TMEM132D: variants seen among roughly 807,000 people sequenced by gnomAD.
TMEM132D encodes the protein transmembrane protein 132D.
In TMEM132D, 21 loss-of-function variants were observed where a neutral mutation model predicts 62.3. The ratio of observed to expected loss-of-function variants is 0.34; its 90% CI spans 0.24 to 0.49. TMEM132D has a LOEUF of 0.49. Among genes scored for constraint, TMEM132D ranks in the 20% least tolerant of loss-of-function variants. The pLI is 0.99. For synonymous variants in TMEM132D, 621 were observed against 575.6 expected (o/e 1.08, Z -1.13); for missense variants, 1,346 against 1,402.8 (o/e 0.96, Z 0.65).
intron 5 of TMEM132D, among the ~76,000 whole-genome samples, chr12:129,167,260 C>T (rs1020423725): frequency 6.6e-6 from 1 of 152,098 alleles, no homozygotes; most frequent in Non-Finnish European, 1.5e-5. Context: ...ACGAGGAGGC[C>T]TCACCATCTC....
chr12:129,453,004 G>A lies in TMEM132D; in HGVS notation c.1115+78055C>T, dbSNP rs1034249775. Among the ~76,000 whole-genome samples the A allele has an allele frequency of 4.6e-5, 7 of 152,312 alleles. No homozygotes were observed. In the South Asian group the frequency reaches 8.3e-4, roughly 18 times the overall value. On this transcript the variant is annotated intron_variant, in intron 3 of 8. Transcript: ENST00000422113. ...CCACAGCAGGAGGTGAGTGGCAGGC[G>A]AGCGAGCCTTACTGCCTGAGCTCTG... is the stretch of plus-strand genomic sequence containing the variant.
intron 5 of TMEM132D, among the ~76,000 whole-genome samples, chr12:129,114,431 TCCTCCCTC>T (rs557229835): frequency 6.1e-5 from 9 of 147,552 alleles, no homozygotes; most frequent in African/African-American, 2.0e-4. Flanking sequence ...CTTCCCTCCT[TCCTCCCTC>T]CCTCCCTTTT....
intron 4 of TMEM132D, among the ~76,000 whole-genome samples, chr12:129,265,476 C>A (rs895721205): frequency 2.0e-5 from 3 of 152,152 alleles, no homozygotes; most frequent in South Asian, 2.1e-4. Flanking sequence ...ATCCACCACA[C>A]CCTCTGAAAG....
intron 5 of TMEM132D, among the ~76,000 whole-genome samples, chr12:129,156,909 T>C (rs1166413221): frequency 6.6e-6 from 1 of 151,980 alleles, no homozygotes; most frequent in Non-Finnish European, 1.5e-5. Context: ...CTGAGATCAT[T>C]AACACACTCC....
In TMEM132D at chr12:129,161,136, C is replaced by T. The variant is rs144204881; in HGVS notation, c.1443+48384G>A. Among the ~76,000 whole-genome samples, 657 of 152,216 alleles carry T rather than the reference C, an allele frequency of 4.3e-3. 3 individuals carry two copies. Among genetic ancestry groups the T allele is most frequent in the African/African-American group, 0.015 (624 of 41,522 alleles). ...TGGTGGGTATGTGCCTGCTTCCTTC[C>T]CCAAACCTGTATGGAAACACATCTG... On this transcript the variant is annotated intron_variant, in intron 5 of 8. Coordinates refer to ENST00000422113, the MANE Select transcript of TMEM132D (RefSeq NM_133448.3).
intron 1 of TMEM132D, among the ~76,000 whole-genome samples, chr12:129,798,465 A>T (rs546549276): frequency 2.0e-5 from 3 of 152,272 alleles, no homozygotes; most frequent in South Asian, 4.1e-4. Flanking sequence ...CATATTATAC[A>T]TTTCTTTAAT....
chr12:129,189,180 G>T lies in TMEM132D; in HGVS notation c.1443+20340C>A, dbSNP rs75523993. On this transcript the variant is annotated intron_variant, in intron 5 of 8. Coordinates refer to ENST00000422113, the MANE Select transcript of TMEM132D (RefSeq NM_133448.3). ...CTGAGAGGTGATTTTCCATGAAGCC[G>T]TTGGAGGGAAGCCCTAAAGATTTGC... 8.4e-3 allele frequency among the ~76,000 whole-genome samples: 1,274 copies of T among 152,264 alleles called. 25 individuals are homozygous for T. Among genetic ancestry groups the T allele is most frequent in the African/African-American group, 0.029 (1,186 of 41,524 alleles).
intron 1 of TMEM132D, among the ~76,000 whole-genome samples, chr12:129,864,440 T>C (rs531390289): frequency 2.6e-5 from 4 of 152,296 alleles, no homozygotes; most frequent in African/African-American, 9.6e-5. Flanking sequence ...TTTATAGCAA[T>C]TGATTAATAC....
chr12:129,076,405 AT>A (rs111911244), intron 8 of TMEM132D, among the ~76,000 whole-genome samples: 15,396 of 151,500 alleles, frequency 0.1, 855 homozygotes, highest in South Asian at 0.12. Context: ...GCTTGAGTGG[AT>A]TTTTTTTTCT....
At chr12:129,165,327 C>A (rs574850648) in intron 5 of TMEM132D, among the ~76,000 whole-genome samples, 1 of 152,246 alleles carries the variant, frequency 6.6e-6, no homozygotes, top group African/African-American at 2.4e-5. Context: ...CATCACTGGG[C>A]ACTCTTAAGA....
intron 3 of TMEM132D, among the ~76,000 whole-genome samples, chr12:129,404,289 C>G: frequency 6.6e-6 from 1 of 151,946 alleles, no homozygotes; most frequent in African/African-American, 2.4e-5. Flanking sequence ...ACCTCCACCT[C>G]CCGGGTTCAA....
intron 1 of TMEM132D, among the ~76,000 whole-genome samples, chr12:129,743,613 C>T (rs1210472366): frequency 6.8e-6 from 1 of 147,026 alleles, no homozygotes; most frequent in Non-Finnish European, 1.5e-5. Context: ...TAATGCATCC[C>T]CCTACAACCA....
At chr12:129,414,664 C>T (rs1447451792) in intron 3 of TMEM132D, among the ~76,000 whole-genome samples, 2 of 152,214 alleles carry the variant, frequency 1.3e-5, no homozygotes, top group Non-Finnish European at 2.9e-5. Flanking sequence ...GGTAAGAACA[C>T]TTGAGATGTC....
intron 1 of TMEM132D, among the ~76,000 whole-genome samples, chr12:129,830,460 C>T (rs984015383): frequency 2.0e-5 from 3 of 152,134 alleles, no homozygotes; most frequent in East Asian, 3.9e-4. Flanking sequence ...TTGCCTCCTT[C>T]GGAAAGGCTT....
At chr12:129,422,650 T>C (rs187660991) in intron 3 of TMEM132D, among the ~76,000 whole-genome samples, 170 of 152,252 alleles carry the variant, frequency 1.1e-3, no homozygotes, top group African/African-American at 3.9e-3. Context: ...AAGTCAACAA[T>C]TTACATATTC....
chr12:129,798,472 T>A (rs1043976776), intron 1 of TMEM132D, among the ~76,000 whole-genome samples: 8 of 152,206 alleles, frequency 5.3e-5, no homozygotes, highest in Non-Finnish European at 1.0e-4. Flanking sequence ...TACATTTCTT[T>A]AATTTTTATA....
At chr12:129,463,832 C>A (rs1448302631) in intron 3 of TMEM132D, among the ~76,000 whole-genome samples, 1 of 151,914 alleles carries the variant, frequency 6.6e-6, no homozygotes, top group Non-Finnish European at 1.5e-5. Flanking sequence ...GCATAGTATT[C>A]CATGGTGTAT....
chr12:129,355,131 TA>T (rs1463383425), intron 3 of TMEM132D, among the ~76,000 whole-genome samples: 1 of 152,218 alleles, frequency 6.6e-6, no homozygotes, highest in African/African-American at 2.4e-5. Flanking sequence ...CTGTGGAAAC[TA>T]CCATATTAGA....
intron 5 of TMEM132D, among the ~76,000 whole-genome samples, chr12:129,121,385 C>T (rs750927808): frequency 9.2e-5 from 14 of 152,188 alleles, no homozygotes; most frequent in Non-Finnish European, 2.1e-4. Context: ...GCATGAGCCA[C>T]TGCACCTGGC....
Sources: allele counts gnomAD v4.1 joint callset (sites outside exome capture counted in the v4.1 genomes callset), GRCh38; gene constraint gnomAD v4.1.1; transcripts MANE v1.5; gene names NCBI Gene and HGNC (gene_info 2026-07-23, HGNC 2026-07-21).